Variants in CPNE4 observed in about 807,000 individuals in gnomAD.
CPNE4 encodes copine-4.
A neutral mutation model predicts 67.9 loss-of-function variants in CPNE4; 25 were observed. The observed-to-expected ratio is 0.37, with a 90% CI of 0.27 to 0.51. The LOEUF is 0.51. CPNE4 is among the 20% of genes least tolerant of loss of function. CPNE4 has a pLI of 0.93. For missense variants in CPNE4, 464 were observed against 690.8 expected (o/e 0.67, Z 3.68); for synonymous variants, 242 against 244.9 (o/e 0.99, Z 0.11).
intron 2 of CPNE4, among the ~76,000 whole-genome samples, chr3:131,811,067 T>A (rs2084506003): frequency 6.6e-6 from 1 of 152,100 alleles, no homozygotes; most frequent in Non-Finnish European, 1.5e-5. Context: ...AAGTTTTAGT[T>A]ACACAAGATA....
At chr3:132,001,607 G>GAAAGAAAGAAAT in intron 1 of CPNE4, among the ~76,000 whole-genome samples, 1 of 147,634 alleles carries the variant, frequency 6.8e-6, no homozygotes, top group African/African-American at 2.6e-5. Context: ...AAGAAAGAAA[G>GAAAGAAAGAAAT]AAAGAAAGAA....
At position 131,970,262 on chromosome 3, in the gene CPNE4, C is replaced by G. The variant is rs112322633; in HGVS notation, c.-2+64305G>C. Among the ~76,000 whole-genome samples, 1,179 of 152,284 alleles carry G rather than the reference C, an allele frequency of 7.7e-3. 12 individuals carry two copies. The highest frequency in any genetic ancestry group is 0.027 in the African/African-American group (1,120 of 41,558). On this transcript the variant is annotated intron_variant, in intron 1 of 15. Coordinates refer to ENST00000429747, the MANE Select transcript of CPNE4 (RefSeq NM_130808.3). Reference sequence around the variant, plus strand: ...CTTCAGTGAGTGAAGACACACCAACCCCCACACAGATACCAACCTAACTTT... The same window carrying G: ...CTTCAGTGAGTGAAGACACACCAACGCCCACACAGATACCAACCTAACTTT...
chr3:131,847,560 TAATTAGGTATTAA>T lies in CPNE4; in HGVS notation c.180+57691_180+57703del, dbSNP rs530926092. On this transcript the variant is annotated intron_variant, in intron 2 of 15. Coordinates refer to ENST00000429747, the MANE Select transcript of CPNE4 (RefSeq NM_130808.3). Reference sequence around the variant, plus strand: ...AGGTAGTGGAATTCAGGGTTGCTGCTAATTAGGTATTAAAAATGCCAAAATATAGGTCCATTCA... The same window carrying T: ...AGGTAGTGGAATTCAGGGTTGCTGCTAAATGCCAAAATATAGGTCCATTCA... 7.2e-5 allele frequency among the ~76,000 whole-genome samples: 11 copies of T among 152,304 alleles called. No homozygotes were observed. In the East Asian group the frequency reaches 1.2e-3, roughly 16 times the overall value.
intron 1 of CPNE4, among the ~76,000 whole-genome samples, chr3:131,988,490 T>C (rs2073106927): frequency 6.6e-6 from 1 of 152,190 alleles, no homozygotes; most frequent in African/African-American, 2.4e-5. Context: ...AGAGAGATGA[T>C]ATTAGCTTGG....
intron 2 of CPNE4, among the ~76,000 whole-genome samples, chr3:131,762,469 T>G (rs1009535942): frequency 6.6e-5 from 10 of 152,130 alleles, no homozygotes; most frequent in African/African-American, 9.7e-5. Context: ...CAAGTGTTAT[T>G]CATTTGCTTG....
chr3:131,622,019 A>C (rs1200462561), intron 7 of CPNE4, among the ~76,000 whole-genome samples: 1 of 93,488 alleles, frequency 1.1e-5, no homozygotes, highest in African/African-American at 8.4e-5. Flanking sequence ...ACCCTGTCTC[A>C]AAAAAAAAAA....
intron 7 of CPNE4, among the ~76,000 whole-genome samples, chr3:131,656,052 T>C (rs981695805): frequency 9.0e-5 from 12 of 133,132 alleles, no homozygotes; most frequent in African/African-American, 3.4e-4. Context: ...CAATACTGTT[T>C]CTTTTTTTTT....
chr3:131,572,449 GAAAT>G (rs1408023165), intron 10 of CPNE4, among the ~76,000 whole-genome samples: 4 of 151,944 alleles, frequency 2.6e-5, no homozygotes, highest in African/African-American at 9.7e-5. Flanking sequence ...GGCAGCTAGA[GAAAT>G]AAATATTTCA....
rs892381464 is a variant in CPNE4 at position 131,534,493 on chromosome 3, C to T, written c.*702G>A. 6.6e-5 allele frequency: 10 copies of T among 152,192 alleles called. No homozygotes were observed. Among genetic ancestry groups the T allele is most frequent in the African/African-American group, 1.9e-4 (8 of 41,428 alleles). The allele number at this position is 152,192 out of a possible 1,614,324, so 9.4% of individuals were successfully genotyped here. On this transcript the variant is annotated 3_prime_UTR_variant, in exon 16 of 16. Transcript: ENST00000429747. ...ATCACCTGGGACCTAGTTAAAGATG[C>T]AGAATCTTGGGTCCCACACAGACCT...
At chr3:131,841,859 T>C (rs562482403) in intron 2 of CPNE4, among the ~76,000 whole-genome samples, 1 of 152,270 alleles carries the variant, frequency 6.6e-6, no homozygotes, top group South Asian at 2.1e-4. Context: ...GAAGGAAATA[T>C]CCTGATATGA....
chr3:131,541,654 C>T (rs1935497825), intron 15 of CPNE4, among the ~76,000 whole-genome samples: 1 of 151,256 alleles, frequency 6.6e-6, no homozygotes, highest in Non-Finnish European at 1.5e-5. Flanking sequence ...TTTTTTCCCA[C>T]TGACTTTAAC....
intron 6 of CPNE4, among the ~76,000 whole-genome samples, chr3:131,682,239 A>G (rs1189306251): frequency 6.6e-6 from 1 of 152,084 alleles, no homozygotes; most frequent in Non-Finnish European, 1.5e-5. Flanking sequence ...TATTTACTGT[A>G]GTCTTTGCAG....
chr3:131,944,849 G>C (rs1388505634), intron 1 of CPNE4, among the ~76,000 whole-genome samples: 1 of 152,108 alleles, frequency 6.6e-6, no homozygotes, highest in African/African-American at 2.4e-5. Context: ...ATTTCTCTGA[G>C]ATGTGCCAAT....
At chr3:131,760,057 T>C (rs534005427) in intron 2 of CPNE4, among the ~76,000 whole-genome samples, 1 of 152,354 alleles carries the variant, frequency 6.6e-6, no homozygotes, top group South Asian at 2.1e-4. Flanking sequence ...TACTCACTTA[T>C]GTAAAAATCT....
chr3:131,872,007 G>A (rs912002013), intron 2 of CPNE4, among the ~76,000 whole-genome samples: 2 of 152,040 alleles, frequency 1.3e-5, no homozygotes, highest in Non-Finnish European at 2.9e-5. Flanking sequence ...CCATGACACT[G>A]ACACGTCTCC....
intron 2 of CPNE4, among the ~76,000 whole-genome samples, chr3:131,749,633 T>G (rs1316892234): frequency 6.6e-6 from 1 of 152,160 alleles, no homozygotes; most frequent in African/African-American, 2.4e-5. Flanking sequence ...TTGAAACTGT[T>G]GTTTCATGTA....
chr3:131,552,353 T>C (rs954037585), intron 13 of CPNE4, 87 bp downstream of exon 13: 80 of 1,102,570 alleles, frequency 7.3e-5, no homozygotes, highest in Non-Finnish European at 1.0e-4. Flanking sequence ...TCGTAACTAA[T>C]ATGCTACACC....
chr3:131,550,465 G>A (rs1274404956), intron 13 of CPNE4, among the ~76,000 whole-genome samples: 1 of 152,064 alleles, frequency 6.6e-6, no homozygotes, highest in African/African-American at 2.4e-5. Flanking sequence ...CAAGACTCAG[G>A]ATTTAAACTT....
chr3:132,018,691 T>C (rs2073935515), intron 1 of CPNE4, among the ~76,000 whole-genome samples: 1 of 152,138 alleles, frequency 6.6e-6, no homozygotes, highest in Non-Finnish European at 1.5e-5. Flanking sequence ...GCAAACCAGT[T>C]CCAAATGGGC....
Sources: allele counts gnomAD v4.1 joint callset (sites outside exome capture counted in the v4.1 genomes callset), GRCh38; gene constraint gnomAD v4.1.1; transcripts MANE v1.5; gene names NCBI Gene and HGNC (gene_info 2026-07-23, HGNC 2026-07-21).